The following SNTG1 variants were observed in gnomAD, a reference collection of about 807,000 sequenced individuals.
SNTG1 encodes the protein gamma-1-syntrophin.
Under a neutral mutation model 74.7 loss-of-function variants are expected in SNTG1, and 39 were observed. That is an observed-to-expected ratio of 0.52 (90% CI 0.40 to 0.68). The LOEUF is 0.68. SNTG1 is among the 30% of genes least tolerant of loss of function. SNTG1 has a pLI of 0.00. For synonymous variants in SNTG1, 254 were observed against 217.1 expected (o/e 1.17, Z -1.49); for missense variants, 685 against 609.5 (o/e 1.12, Z -1.30).
chr8:50,650,826 G>A (rs991960786), intron 13 of SNTG1, among the ~76,000 whole-genome samples: 8 of 151,802 alleles, frequency 5.3e-5, no homozygotes, highest in Admixed American at 1.3e-4. Context: ...TCAGTCTCCC[G>A]AGCAGCTGGG....
At chr8:50,460,155 G>A (rs1412619217) in intron 8 of SNTG1, among the ~76,000 whole-genome samples, 2 of 151,850 alleles carry the variant, frequency 1.3e-5, no homozygotes, top group Non-Finnish European at 2.9e-5. Context: ...CCTTTTCTCT[G>A]CAGCCTTTAT....
intron 2 of SNTG1, among the ~76,000 whole-genome samples, chr8:50,334,444 C>G (rs7357389): frequency 4.6e-5 from 7 of 151,952 alleles, no homozygotes; most frequent in Non-Finnish European, 8.8e-5. Flanking sequence ...TGAGTTTCTC[C>G]CCTGTAATTG....
At chr8:50,028,119 T>C (rs1188352871) in intron 1 of SNTG1, among the ~76,000 whole-genome samples, 2 of 152,128 alleles carry the variant, frequency 1.3e-5, no homozygotes, top group Non-Finnish European at 2.9e-5. Context: ...ATATACACAG[T>C]CACACCCACC....
intron 1 of SNTG1, among the ~76,000 whole-genome samples, chr8:50,086,827 T>C (rs1273048826): frequency 6.6e-6 from 1 of 152,182 alleles, no homozygotes; most frequent in Non-Finnish European, 1.5e-5. Context: ...TTATATATTG[T>C]GTAAAGTACT....
chr8:50,244,504 CATCT>C (rs1334532848), intron 2 of SNTG1, among the ~76,000 whole-genome samples: 1 of 152,092 alleles, frequency 6.6e-6, no homozygotes, highest in Non-Finnish European at 1.5e-5. Flanking sequence ...AAACCATATC[CATCT>C]GATTCCAAAA....
intron 13 of SNTG1, among the ~76,000 whole-genome samples, chr8:50,656,466 T>C (rs2095181910): frequency 6.6e-6 from 1 of 152,212 alleles, no homozygotes; most frequent in Admixed American, 6.5e-5. Context: ...GCCCTAGTGG[T>C]ATTGCCATAA....
chr8:50,668,939 A>T (rs1301255746), intron 15 of SNTG1, among the ~76,000 whole-genome samples: 1 of 152,100 alleles, frequency 6.6e-6, no homozygotes, highest in Admixed American at 6.6e-5. Flanking sequence ...TGCAGTAAAC[A>T]TACGTGTGCA....
chr8:50,712,828 A>G (rs1447105811), intron 17 of SNTG1, among the ~76,000 whole-genome samples: 1 of 152,158 alleles, frequency 6.6e-6, no homozygotes, highest in African/African-American at 2.4e-5. Context: ...CGCAAAGGAC[A>G]TGAACTCATC....
At chr8:50,310,729 A>G (rs922662771) in intron 2 of SNTG1, among the ~76,000 whole-genome samples, 1 of 152,192 alleles carries the variant, frequency 6.6e-6, no homozygotes, top group Non-Finnish European at 1.5e-5. Flanking sequence ...AATAAATGTA[A>G]GTATCCTTTG....
intron 1 of SNTG1, among the ~76,000 whole-genome samples, chr8:50,121,913 T>A (rs1451356115): frequency 7.0e-6 from 1 of 142,308 alleles, no homozygotes; most frequent in African/African-American, 2.5e-5. Flanking sequence ...AATATACACT[T>A]TAAATACAAA....
chr8:50,449,859 C>A, intron 6 of SNTG1, 134 bp downstream of exon 6: 2 of 711,216 alleles, frequency 2.8e-6, no homozygotes, highest in Non-Finnish European at 4.3e-6. Context: ...GCATTAGTGG[C>A]TGAGTCTGCT....
intron 13 of SNTG1, among the ~76,000 whole-genome samples, chr8:50,645,386 C>T (rs1207775170): frequency 6.6e-6 from 1 of 151,920 alleles, no homozygotes; most frequent in Non-Finnish European, 1.5e-5. Context: ...AATGTTTGAA[C>T]ATATTAAGCA....
At chr8:50,535,816 A>T (rs1443671839) in intron 10 of SNTG1, among the ~76,000 whole-genome samples, 1 of 152,200 alleles carries the variant, frequency 6.6e-6, no homozygotes, top group Non-Finnish European at 1.5e-5. Flanking sequence ...ATCTTCTTCC[A>T]ACACTATCAC....
intron 3 of SNTG1, among the ~76,000 whole-genome samples, chr8:50,400,919 A>G (rs899999933): frequency 6.6e-6 from 1 of 152,168 alleles, no homozygotes; most frequent in African/African-American, 2.4e-5. Flanking sequence ...GTAATGCATT[A>G]TATGTCACAA....
chr8:50,164,160 G>A (rs1002257751), intron 1 of SNTG1: 2 of 136,718 alleles, frequency 1.5e-5, no homozygotes, highest in Non-Finnish European at 3.0e-5. Flanking sequence ...TTAAACTATG[G>A]TCAGAAGTAA....
intron 16 of SNTG1, among the ~76,000 whole-genome samples, chr8:50,705,705 A>G (rs887023125): frequency 6.6e-6 from 1 of 152,224 alleles, no homozygotes; most frequent in Admixed American, 6.5e-5. Context: ...TTTGCACATC[A>G]TGAGTATTCA....
chr8:49,981,634 C>T (rs1331722045), intron 1 of SNTG1, among the ~76,000 whole-genome samples: 1 of 152,274 alleles, frequency 6.6e-6, no homozygotes, highest in East Asian at 1.9e-4. Flanking sequence ...GCTATCATTA[C>T]ATCTTGTTAT....
chr8:50,610,420 T>A (rs1370353012), intron 13 of SNTG1, among the ~76,000 whole-genome samples: 1 of 152,178 alleles, frequency 6.6e-6, no homozygotes, highest in African/African-American at 2.4e-5. Flanking sequence ...CTCTTTTCTC[T>A]GCATGTGCAT....
intron 11 of SNTG1, among the ~76,000 whole-genome samples, chr8:50,545,928 T>C (rs1463210639): frequency 6.6e-6 from 1 of 152,092 alleles, no homozygotes; most frequent in African/African-American, 2.4e-5. Flanking sequence ...GAAATATGAA[T>C]CTGACTTATA....
Sources: gnomAD v4.1 joint callset for allele counts (sites outside exome capture counted in the v4.1 genomes callset) on GRCh38, gnomAD v4.1.1 for gene constraint, MANE v1.5 for transcripts, NCBI Gene and HGNC (gene_info 2026-07-23, HGNC 2026-07-21) for gene names.